TMEM117: variants seen among roughly 807,000 people sequenced by gnomAD.
The protein encoded by TMEM117 is transmembrane protein 117.
TMEM117 carries 27 observed loss-of-function variants against 52.4 expected under a neutral mutation model. The ratio of observed to expected loss-of-function variants is 0.51; its 90% CI spans 0.38 to 0.71. The LOEUF (loss-of-function observed/expected upper bound fraction) is 0.71, where lower values mean the gene tolerates loss of function less well. TMEM117 is among the 30% of genes least tolerant of loss of function. TMEM117 has a pLI of 0.00. For synonymous variants in TMEM117, 215 were observed against 206.3 expected (o/e 1.04, Z -0.36); for missense variants, 556 against 630.5 (o/e 0.88, Z 1.26).
At chr12:44,193,791 T>A (rs1472259260) in intron 4 of TMEM117, among the ~76,000 whole-genome samples, 2 of 152,176 alleles carry the variant, frequency 1.3e-5, no homozygotes, top group Non-Finnish European at 2.9e-5. Flanking sequence ...TTTGGAGAGA[T>A]CCCAGGTTGG....
chr12:43,932,510 A>G (rs1427024207), intron 2 of TMEM117, among the ~76,000 whole-genome samples: 1 of 152,188 alleles, frequency 6.6e-6, no homozygotes, highest in African/African-American at 2.4e-5. Flanking sequence ...TTGGCTTAAA[A>G]GAAATAATGA....
intron 3 of TMEM117, among the ~76,000 whole-genome samples, chr12:44,030,717 G>A (rs879381715): frequency 1.1e-4 from 17 of 152,128 alleles, no homozygotes; most frequent in Admixed American, 4.6e-4. Flanking sequence ...TACTGCTCAA[G>A]GTCAACACCA....
At chr12:44,194,885 G>A (rs1422468712) in intron 4 of TMEM117, among the ~76,000 whole-genome samples, 2 of 152,098 alleles carry the variant, frequency 1.3e-5, no homozygotes, top group Non-Finnish European at 2.9e-5. Flanking sequence ...GAGCACAGGA[G>A]CATATAAAAT....
intron 3 of TMEM117, among the ~76,000 whole-genome samples, chr12:44,104,429 A>G (rs988391608): frequency 1.3e-5 from 2 of 151,876 alleles, no homozygotes; most frequent in South Asian, 2.1e-4. Flanking sequence ...TTTTCCTGTC[A>G]TAAATATTTA....
At chr12:43,848,752 G>A (rs183946867) in intron 2 of TMEM117, among the ~76,000 whole-genome samples, 12 of 152,210 alleles carry the variant, frequency 7.9e-5, no homozygotes, top group Admixed American at 5.2e-4. Context: ...GATTAAAGAC[G>A]GGCATAAGAA....
chr12:44,028,846 T>C (rs1946584766), intron 3 of TMEM117, among the ~76,000 whole-genome samples: 2 of 152,188 alleles, frequency 1.3e-5, no homozygotes, highest in African/African-American at 4.8e-5. Flanking sequence ...GATCCAAGAA[T>C]GGAGTCTGGA....
chr12:43,862,436 C>T lies in TMEM117; in HGVS notation c.277+17508C>T, dbSNP rs541140192. Among the ~76,000 whole-genome samples, 7 of 152,272 alleles carry T rather than the reference C, an allele frequency of 4.6e-5. 1 individual carries two copies. The highest frequency in any genetic ancestry group is 1.2e-4 in the African/African-American group (5 of 41,568). ...CCTCCCAAAGTGCTGGGATTACAGG[C>T]GTGAGCCGCTGCACCCAGAAAATAA... On this transcript the variant is annotated intron_variant, in intron 2 of 7. Transcript: ENST00000266534.
chr12:43,923,056 G>T (rs748382376), intron 2 of TMEM117, among the ~76,000 whole-genome samples: 2 of 152,174 alleles, frequency 1.3e-5, no homozygotes, highest in Non-Finnish European at 2.9e-5. Flanking sequence ...AATTTGGAGT[G>T]CTGCCAGGAG....
intron 5 of TMEM117, among the ~76,000 whole-genome samples, chr12:44,266,450 C>T (rs1428547561): frequency 6.6e-6 from 1 of 152,012 alleles, no homozygotes; most frequent in East Asian, 1.9e-4. Context: ...AAAATATTTA[C>T]CCATTTTTAA....
rs188586140 is a variant in TMEM117 at position 44,313,958 on chromosome 12, C to T, written c.768+14219C>T. 7.9e-5 allele frequency among the ~76,000 whole-genome samples: 12 copies of T among 152,142 alleles called. No individual in the cohort carries two copies. In the East Asian group the frequency reaches 2.3e-3, roughly 29 times the overall value. Reference sequence around the variant, plus strand: ...TGATTTTTATATGCTGATTTTGTGTCCTGAAACTTTACTAAAGTTGTTTAT... The same window carrying T: ...TGATTTTTATATGCTGATTTTGTGTTCTGAAACTTTACTAAAGTTGTTTAT... On this transcript the variant is annotated intron_variant, in intron 6 of 7. Transcript: ENST00000266534.
chr12:43,877,647 A>T (rs890505927), intron 2 of TMEM117, among the ~76,000 whole-genome samples: 2 of 152,042 alleles, frequency 1.3e-5, no homozygotes, highest in African/African-American at 4.8e-5. Flanking sequence ...AAAAAAAAAA[A>T]AAAGTGTTTT....
At chr12:44,042,221 C>T (rs1164880848) in intron 3 of TMEM117, among the ~76,000 whole-genome samples, 1 of 150,918 alleles carries the variant, frequency 6.6e-6, no homozygotes, top group Non-Finnish European at 1.5e-5. Flanking sequence ...GTGTAATCTG[C>T]CTTTTATCCT....
At position 44,255,234 on chromosome 12, in the gene TMEM117, A is replaced by G. The variant is rs537351035; in HGVS notation, c.608+43847A>G. Among the ~76,000 whole-genome samples, 4 of 152,290 alleles carry G rather than the reference A, an allele frequency of 2.6e-5. No individual in the cohort carries two copies. In the South Asian group the frequency reaches 6.2e-4, roughly 24 times the overall value. On this transcript the variant is annotated intron_variant, in intron 5 of 7. Coordinates refer to ENST00000266534, the MANE Select transcript of TMEM117 (RefSeq NM_032256.3). The stretch of plus-strand genomic sequence containing the variant: ...TTCTAGATCCCTGAGGAATCACCAC[A>G]CTGACTTCCACAATGGTTGAACTAG...
the TMEM117 span, among the ~76,000 whole-genome samples, chr12:44,396,882 A>T: frequency 1.3e-5 from 2 of 151,836 alleles, no homozygotes; most frequent in East Asian, 3.9e-4. Flanking sequence ...AAGAAAAAGA[A>T]TTGACTCATT....
At chr12:44,365,540 A>G (rs1381157388) in intron 6 of TMEM117, among the ~76,000 whole-genome samples, 2 of 152,092 alleles carry the variant, frequency 1.3e-5, no homozygotes, top group East Asian at 3.9e-4. Flanking sequence ...TCAATTGTGC[A>G]GCATTGGACA....
At chr12:43,971,670 A>G (rs2137692999) in intron 3 of TMEM117, among the ~76,000 whole-genome samples, 1 of 152,342 alleles carries the variant, frequency 6.6e-6, no homozygotes, top group Non-Finnish European at 1.5e-5. Context: ...ACATGGAACC[A>G]TGTGTCACTC....
chr12:44,015,249 A>G (rs1415876721), intron 3 of TMEM117, among the ~76,000 whole-genome samples: 1 of 152,170 alleles, frequency 6.6e-6, no homozygotes. Context: ...TAAGTCAGTC[A>G]TTGTATCCAT....
intron 3 of TMEM117, among the ~76,000 whole-genome samples, chr12:44,053,687 G>A (rs1032537720): frequency 2.0e-5 from 3 of 152,082 alleles, no homozygotes; most frequent in Non-Finnish European, 4.4e-5. Context: ...GTCCAAAGGG[G>A]TTTGTATGAA....
chr12:44,216,009 T>TC (rs1466931154), intron 5 of TMEM117, among the ~76,000 whole-genome samples: 2 of 130,004 alleles, frequency 1.5e-5, no homozygotes, highest in African/African-American at 2.8e-5. Flanking sequence ...TTCTTTCTTT[T>TC]TTTTTTTTTT....
Sources: allele counts gnomAD v4.1 joint callset (sites outside exome capture counted in the v4.1 genomes callset), GRCh38; gene constraint gnomAD v4.1.1; transcripts MANE v1.5; gene names NCBI Gene and HGNC (gene_info 2026-07-23, HGNC 2026-07-21).